The following FHAD1 variants were observed in gnomAD, a reference collection of about 807,000 sequenced individuals.
FHAD1 encodes forkhead-associated domain-containing protein 1.
FHAD1 carries 146 observed loss-of-function variants against 191.3 expected under a neutral mutation model. The ratio of observed to expected loss-of-function variants is 0.76; its 90% CI spans 0.67 to 0.88. FHAD1 has a LOEUF of 0.88. FHAD1 is among the 40% of genes least tolerant of loss of function. The pLI, the probability that FHAD1 is intolerant of heterozygous loss-of-function variation, is 0.00. For missense variants in FHAD1, 1,635 were observed against 1,785.8 expected, an observed-to-expected ratio of 0.92 and a Z score of 1.52; for synonymous variants, 616 against 672.3, an observed-to-expected ratio of 0.92 and a Z score of 1.29.
intron 31 of FHAD1, among the ~76,000 whole-genome samples, chr1:15,387,800 G>A (rs914402229): frequency 5.3e-5 from 8 of 152,274 alleles, no homozygotes; most frequent in Middle Eastern, 6.8e-3. Context: ...TGGGAGGACC[G>A]CTTGAGCCTG....
chr1:15,381,207 T>C lies in FHAD1; in HGVS notation c.3802-24T>C, dbSNP rs1265359041. 2 of 1,526,472 alleles carry C rather than the reference T, an allele frequency of 1.3e-6. No homozygotes were observed. The highest frequency in any genetic ancestry group is 2.0e-5 in the Admixed American group (1 of 50,812). The allele number at this position is 1,526,472 out of a possible 1,614,324, so 94.6% of individuals were successfully genotyped here. On this transcript the variant is annotated intron_variant, in intron 29 of 33. Coordinates refer to ENST00000688493, the MANE Select transcript of FHAD1 (RefSeq NM_001391957.1). The surrounding 1 kb of genome is among the most constrained non-coding windows in gnomAD (Gnocchi z 4.6). Reference sequence around the variant, plus strand: ...ACCAGCGGCCGCGGGTAATGCCTCTTATGCGCGAACGTTTTCCTTGTAGTA... The same window carrying C: ...ACCAGCGGCCGCGGGTAATGCCTCTCATGCGCGAACGTTTTCCTTGTAGTA...
chr1:15,286,990 CTTCAGCCCA>C (rs1662680054), intron 3 of FHAD1: 2 of 152,314 alleles, frequency 1.3e-5, no homozygotes, highest in South Asian at 4.1e-4. Flanking sequence ...CCGCTGTCAT[CTTCAGCCCA>C]TTCATTCAAT....
intron 14 of FHAD1, among the ~76,000 whole-genome samples, chr1:15,337,115 AG>A (rs1447055682): frequency 2.0e-5 from 3 of 152,142 alleles, no homozygotes; most frequent in Non-Finnish European, 4.4e-5. Flanking sequence ...GTCCCTGGCC[AG>A]GGGCCATGGC....
At chr1:15,328,123 G>A in intron 12 of FHAD1, 154 bp from the exon 13 acceptor site, 1 of 450,578 alleles carries the variant, frequency 2.2e-6, no homozygotes. Flanking sequence ...CCCCTTGACA[G>A]CCATCACCAA....
At chr1:15,259,993 C>A (rs867838027) in intron 2 of FHAD1, among the ~76,000 whole-genome samples, 2 of 152,182 alleles carry the variant, frequency 1.3e-5, no homozygotes, top group African/African-American at 4.8e-5. Flanking sequence ...TGCAAAAAGG[C>A]CACGTAAGCT....
rs541797930 is a variant in FHAD1, at chr1:15,333,342, G to C, written c.1906+3801G>C. ...GAAGATGAGGAGGAAGGATGGGGAG[G>C]AGGAGGGAAGAGGAGGAAGGAGGAG... On this transcript the variant is annotated intron_variant, in intron 14 of 33. Coordinates refer to ENST00000688493, the MANE Select transcript of FHAD1 (RefSeq NM_001391957.1). 2.0e-5 allele frequency among the ~76,000 whole-genome samples: 3 copies of C among 152,298 alleles called. No individual in the cohort carries two copies. The South Asian group carries it at 6.2e-4, about 32-fold the overall frequency.
rs1352228749 is a variant in FHAD1 at position 15,329,563 on chromosome 1, A to T, written c.1906+22A>T. 1.3e-6 allele frequency: 2 copies of T among 1,537,186 alleles called. No homozygotes were observed. ...AAAGGTTACTGGGACTTTTTTTCTC[A>T]CATGGTTGCATGACTCTAAAATGTC... On this transcript the variant is annotated intron_variant, in intron 14 of 33. Coordinates refer to ENST00000688493, the MANE Select transcript of FHAD1 (RefSeq NM_001391957.1). The surrounding 1 kb of genome is among the most constrained non-coding windows in gnomAD (Gnocchi z 5.0).
intron 31 of FHAD1, among the ~76,000 whole-genome samples, chr1:15,385,939 A>T (rs949656831): frequency 6.6e-6 from 1 of 152,322 alleles, no homozygotes; most frequent in Admixed American, 6.5e-5. Flanking sequence ...AGCTCCCTGC[A>T]GTGACAGTGT....
rs570569622 is a variant in FHAD1 at position 15,389,447 on chromosome 1, C to CAAAAAAAAAAAAAAAAAAAAAAAAAAAAA, written c.4269+1337_4269+1338insAAAAAAAAAAAAAAAAAAAAAAAAAAAAA. 8.5e-4 allele frequency among the ~76,000 whole-genome samples: 46 copies of CAAAAAAAAAAAAAAAAAAAAAAAAAAAAA among 54,218 alleles called. 5 individuals are homozygous for CAAAAAAAAAAAAAAAAAAAAAAAAAAAAA. The highest frequency in any genetic ancestry group is 2.2e-3 in the East Asian group (4 of 1,856). The allele number at this position is 54,218 out of a possible 152,430, so 35.6% of individuals were successfully genotyped here. A position where few individuals can be genotyped will look rare whatever the true frequency, so the allele number is the denominator to read the frequency against. On this transcript the variant is annotated intron_variant, in intron 32 of 33. Coordinates refer to ENST00000688493, the MANE Select transcript of FHAD1 (RefSeq NM_001391957.1). ...TGAGCAACAGAGGAAGAACCTGTCT[C>CAAAAAAAAAAAAAAAAAAAAAAAAAAAAA]AAAAAAAAAAAAAAAAAAAAACCTG... is the stretch of plus-strand genomic sequence containing the variant.
At chr1:15,398,823 C>CA (rs1194026866), downstream of FHAD1, among the ~76,000 whole-genome samples, 32 of 142,804 alleles carry the variant, frequency 2.2e-4, no homozygotes, top group African/African-American at 7.2e-4. Flanking sequence ...ATCATGAATA[C>CA]TTTTTTTTTT....
chr1:15,362,778 G>A (rs1695221605), intron 23 of FHAD1, 52 bp downstream of exon 23: 22 of 1,452,818 alleles, frequency 1.5e-5, no homozygotes, highest in Non-Finnish European at 2.0e-5. Flanking sequence ...GCACCACCTG[G>A]GTGGGGGCAA....
intron 6 of FHAD1, among the ~76,000 whole-genome samples, chr1:15,305,011 G>A (rs903489547): frequency 2.0e-5 from 3 of 152,192 alleles, no homozygotes; most frequent in Admixed American, 2.0e-4. Context: ...AACACGATGA[G>A]ATGATTAACA....
intron 28 of FHAD1, among the ~76,000 whole-genome samples, chr1:15,376,947 G>C (rs1244661352): frequency 6.6e-6 from 1 of 152,186 alleles, no homozygotes; most frequent in Non-Finnish European, 1.5e-5. Flanking sequence ...AGGCTGACAT[G>C]GGAAGATCAC....
intron 28 of FHAD1, 134 bp from the exon 29 acceptor site, chr1:15,380,567 G>A (rs1430669709): frequency 7.5e-6 from 5 of 663,808 alleles, no homozygotes; most frequent in Admixed American, 2.6e-5. Flanking sequence ...GGAATCAGAC[G>A]GAATGATCAG....
intron 1 of FHAD1, among the ~76,000 whole-genome samples, chr1:15,239,517 G>A (rs1201598911): frequency 6.6e-6 from 1 of 152,188 alleles, no homozygotes; most frequent in Non-Finnish European, 1.5e-5. Flanking sequence ...GAACCTGGGA[G>A]GCGGAGGTCA....
chr1:15,382,916 G>C (rs1701237043), intron 31 of FHAD1, among the ~76,000 whole-genome samples: 2 of 152,202 alleles, frequency 1.3e-5, no homozygotes, highest in African/African-American at 2.4e-5. Context: ...TTTGCTCCCT[G>C]GCACAGAGTT....
chr1:15,296,840 C>T, intron 5 of FHAD1, 47 bp downstream of exon 5: 1 of 1,446,966 alleles, frequency 6.9e-7, no homozygotes, highest in East Asian at 2.5e-5. Flanking sequence ...AGCAAGCGCA[C>T]TGCAAAGGGA....
intron 7 of FHAD1, among the ~76,000 whole-genome samples, chr1:15,309,597 G>T (rs1671617505): frequency 6.6e-6 from 1 of 152,178 alleles, no homozygotes; most frequent in Non-Finnish European, 1.5e-5. Context: ...GGCCACATAT[G>T]GCCCAGGACA....
intron 19 of FHAD1, among the ~76,000 whole-genome samples, chr1:15,349,891 G>A (rs1208719751): frequency 6.6e-6 from 1 of 152,100 alleles, no homozygotes; most frequent in Non-Finnish European, 1.5e-5. Context: ...CCTGCCCCGA[G>A]CAGCATGAAA....
Sources: allele counts gnomAD v4.1 joint callset (sites outside exome capture counted in the v4.1 genomes callset), GRCh38; gene constraint gnomAD v4.1.1; non-coding constraint Gnocchi (gnomAD v3.1); transcripts MANE v1.5; gene names NCBI Gene and HGNC (gene_info 2026-07-23, HGNC 2026-07-21).